PTPRN2: variants seen among roughly 807,000 people sequenced by gnomAD.
The protein encoded by PTPRN2 is receptor-type tyrosine-protein phosphatase N2.
PTPRN2 carries 74 observed loss-of-function variants against 118.8 expected under a neutral mutation model. The ratio of observed to expected loss-of-function variants is 0.62; its 90% CI spans 0.52 to 0.76. The LOEUF (loss-of-function observed/expected upper bound fraction) is 0.76. Among genes scored for constraint, PTPRN2 ranks in the 30% least tolerant of loss-of-function variants. PTPRN2 has a pLI of 0.00. For synonymous variants in PTPRN2, 641 were observed against 608.0 expected (o/e 1.05, Z -0.80); for missense variants, 1,481 against 1,394.4 (o/e 1.06, Z -0.99).
chr7:158,040,019 G>A (rs1345945331), intron 11 of PTPRN2, among the ~76,000 whole-genome samples: 1 of 151,746 alleles, frequency 6.6e-6, no homozygotes, highest in Admixed American at 6.6e-5. Context: ...GGAATAATCA[G>A]TGAGAATGAG....
chr7:157,589,934 T>G (rs757950613), intron 17 of PTPRN2, among the ~76,000 whole-genome samples: 58 of 152,262 alleles, frequency 3.8e-4, no homozygotes, highest in Non-Finnish European at 7.1e-4. Context: ...CGGCTTTTTC[T>G]GCCTCCTGCA....
At chr7:157,669,230 CCTT>C (rs1271399332) in intron 13 of PTPRN2, among the ~76,000 whole-genome samples, 3 of 152,230 alleles carry the variant, frequency 2.0e-5, no homozygotes, top group Admixed American at 2.0e-4. Context: ...GGGGAGCCTC[CCTT>C]CTTCTGCCAC....
rs1038606862 is a variant in PTPRN2, at chr7:157,540,597, G to T, written c.*117C>A. ...CTGCTAAACTGCGCTGACTACGGGA[G>T]AGCTAAGGGCCCTATTACTATGCAG... On this transcript the variant is annotated 3_prime_UTR_variant, in exon 23 of 23. Coordinates refer to ENST00000389418, the MANE Select transcript of PTPRN2 (RefSeq NM_002847.5). 7 of 757,826 alleles carry T rather than the reference G, an allele frequency of 9.2e-6. No homozygotes were observed. Among genetic ancestry groups the T allele is most frequent in the African/African-American group, 7.2e-5 (4 of 55,570 alleles). 46.9% of individuals were successfully genotyped at this position (757,826 alleles called of 1,614,324 possible).
At chr7:158,096,799 C>T (rs183680204) in intron 10 of PTPRN2, among the ~76,000 whole-genome samples, 175 of 152,314 alleles carry the variant, frequency 1.1e-3, no homozygotes, top group African/African-American at 3.6e-3. Flanking sequence ...CAACATTGCC[C>T]GTGAGGGCCG....
chr7:158,383,064 G>A (rs1047720320), intron 2 of PTPRN2, among the ~76,000 whole-genome samples: 1 of 152,094 alleles, frequency 6.6e-6, no homozygotes, highest in African/African-American at 2.4e-5. Context: ...GTATCCCACA[G>A]TACATTAATG....
chr7:158,224,918 A>G (rs1828639148), intron 3 of PTPRN2, among the ~76,000 whole-genome samples: 1 of 152,152 alleles, frequency 6.6e-6, no homozygotes, highest in Admixed American at 6.5e-5. Context: ...AGATGAAAAG[A>G]CATTTCGACA....
intron 14 of PTPRN2, among the ~76,000 whole-genome samples, chr7:157,649,912 G>C (rs1360645444): frequency 1.3e-5 from 1 of 79,520 alleles, no homozygotes; most frequent in Non-Finnish European, 3.3e-5. Flanking sequence ...AGCGTGCACT[G>C]AACTCGGTGG....
At chr7:158,267,444 C>T (rs1005082921) in intron 3 of PTPRN2, among the ~76,000 whole-genome samples, 7 of 152,202 alleles carry the variant, frequency 4.6e-5, no homozygotes, top group East Asian at 3.9e-4. Context: ...TTGTGGACAA[C>T]GCCCAGACCC....
chr7:158,072,044 G>A (rs1279515903), intron 11 of PTPRN2, among the ~76,000 whole-genome samples: 4 of 141,772 alleles, frequency 2.8e-5, no homozygotes, highest in African/African-American at 1.0e-4. Flanking sequence ...GGTGCTCGTG[G>A]TGGTGGAGGT....
intron 14 of PTPRN2, among the ~76,000 whole-genome samples, chr7:157,623,374 G>C (rs117145492): frequency 6.6e-6 from 1 of 152,148 alleles, no homozygotes; most frequent in African/African-American, 2.4e-5. Flanking sequence ...GGTCGAAAAT[G>C]GTTCCTGGCA....
chr7:157,545,895 G>A (rs1315138308), intron 22 of PTPRN2, among the ~76,000 whole-genome samples: 1 of 152,180 alleles, frequency 6.6e-6, no homozygotes, highest in Non-Finnish European at 1.5e-5. Context: ...TGGCTTCGTA[G>A]AAGCAAGCAT....
At chr7:158,501,487 G>A (rs758833522) in intron 1 of PTPRN2, among the ~76,000 whole-genome samples, 5 of 152,162 alleles carry the variant, frequency 3.3e-5, no homozygotes, top group Non-Finnish European at 5.9e-5. Context: ...TCCCATCCCC[G>A]ACACAACGCC....
chr7:158,510,217 A>G (rs969013124), intron 1 of PTPRN2, among the ~76,000 whole-genome samples: 34 of 152,214 alleles, frequency 2.2e-4, no homozygotes, highest in Admixed American at 2.1e-3. Flanking sequence ...CATAGTTTCA[A>G]TGTTACAACT....
Position 157,729,905 on chromosome 7 carries a change from G to A in PTPRN2, c.1789-46968C>T, listed in dbSNP as rs931992356. On this transcript the variant is annotated intron_variant, in intron 12 of 22. Coordinates refer to ENST00000389418, the MANE Select transcript of PTPRN2 (RefSeq NM_002847.5). The surrounding 1 kb of genome is among the most constrained non-coding windows in gnomAD (Gnocchi z 4.3). ...TTAAACCTGATCCACGTGTGTCTGTGAGTGTGACTCGGAGGAGTCCAGCAT... is the reference window on the plus strand; with the variant it reads ...TTAAACCTGATCCACGTGTGTCTGTAAGTGTGACTCGGAGGAGTCCAGCAT... Among the ~76,000 whole-genome samples, 2 of 152,224 alleles carry A rather than the reference G, an allele frequency of 1.3e-5. No homozygotes were observed. Among genetic ancestry groups the A allele is most frequent in the Non-Finnish European group, 2.9e-5 (2 of 68,040 alleles).
At chr7:157,623,557 T>C (rs1275632783) in intron 14 of PTPRN2, among the ~76,000 whole-genome samples, 4 of 152,244 alleles carry the variant, frequency 2.6e-5, no homozygotes, top group African/African-American at 9.6e-5. Flanking sequence ...TTATCTTAAT[T>C]CGTATAAACT....
chr7:157,612,039 C>G (rs1006283531), intron 15 of PTPRN2, among the ~76,000 whole-genome samples: 6 of 152,186 alleles, frequency 3.9e-5, no homozygotes, highest in Non-Finnish European at 7.4e-5. Flanking sequence ...CTGCTTTGGC[C>G]ACATACACTG....
chr7:158,310,840 C>T (rs1310017410), intron 3 of PTPRN2, among the ~76,000 whole-genome samples: 1 of 48,006 alleles, frequency 2.1e-5, no homozygotes, highest in South Asian at 7.4e-4. Context: ...CCGGACAGAG[C>T]GCAAATCCCA....
At chr7:158,404,481 A>G (rs1025140564) in intron 2 of PTPRN2, among the ~76,000 whole-genome samples, 3 of 152,156 alleles carry the variant, frequency 2.0e-5, no homozygotes, top group African/African-American at 7.2e-5. Context: ...CACAGGATGA[A>G]GACACCAGGA....
intron 6 of PTPRN2, among the ~76,000 whole-genome samples, chr7:158,166,674 T>A (rs1027979649): frequency 1.3e-5 from 2 of 151,914 alleles, no homozygotes; most frequent in Non-Finnish European, 1.5e-5. Flanking sequence ...TCCATCCCAC[T>A]GTCAGGATCA....
Sources: allele counts gnomAD v4.1 joint callset (sites outside exome capture counted in the v4.1 genomes callset), GRCh38; gene constraint gnomAD v4.1.1; non-coding constraint Gnocchi (gnomAD v3.1); transcripts MANE v1.5; gene names NCBI Gene and HGNC (gene_info 2026-07-23, HGNC 2026-07-21).